XPR1: variants seen among roughly 807,000 people sequenced by gnomAD.
XPR1 encodes xenotropic and polytropic retrovirus receptor 1, also known as solute carrier family 53 member 1.
In XPR1, 28 loss-of-function variants were observed where a neutral mutation model predicts 87.5. The observed-to-expected ratio is 0.32, with a 90% CI of 0.24 to 0.44. The LOEUF is 0.44. Ranked by LOEUF, XPR1 falls within the 20% of genes least tolerant of loss-of-function variation. The pLI is 1.00. For synonymous variants in XPR1, 300 were observed against 306.1 expected (o/e 0.98, Z 0.21); for missense variants, 559 against 862.3 (o/e 0.65, Z 4.41).
intron 2 of XPR1, among the ~76,000 whole-genome samples, chr1:180,727,099 G>A (rs1477328271): frequency 2.6e-5 from 4 of 152,018 alleles, no homozygotes; most frequent in South Asian, 2.1e-4. Context: ...TCCTGACCTC[G>A]TGATCTGCCT....
intron 9 of XPR1, among the ~76,000 whole-genome samples, chr1:180,828,844 T>C (rs1650955561): frequency 6.6e-6 from 1 of 152,152 alleles, no homozygotes; most frequent in East Asian, 1.9e-4. Flanking sequence ...TTAGCCCTAT[T>C]AGTCACTTAT....
chr1:180,669,962 T>C (rs1441913669), intron 1 of XPR1, among the ~76,000 whole-genome samples: 1 of 152,204 alleles, frequency 6.6e-6, no homozygotes, highest in Non-Finnish European at 1.5e-5. Flanking sequence ...TGAAACTGTA[T>C]GAGGGGTGAC....
intron 1 of XPR1, among the ~76,000 whole-genome samples, chr1:180,641,043 A>G (rs773512282): frequency 6.6e-5 from 10 of 152,216 alleles, no homozygotes; most frequent in African/African-American, 2.4e-4. Context: ...ATAATATGCT[A>G]GTATATTAAT....
At chr1:180,791,570 A>G (rs1400366000) in intron 3 of XPR1, among the ~76,000 whole-genome samples, 1 of 142,598 alleles carries the variant, frequency 7.0e-6, no homozygotes, top group African/African-American at 3.1e-5. Flanking sequence ...TAGATACTTT[A>G]TTTTGAGTTA....
At chr1:180,864,684 T>C (rs1028201661) in intron 12 of XPR1, among the ~76,000 whole-genome samples, 1 of 152,126 alleles carries the variant, frequency 6.6e-6, no homozygotes, top group Non-Finnish European at 1.5e-5. Flanking sequence ...TTTCTATGTA[T>C]TAATAAAAAG....
rs557118074 is a variant in XPR1, at chr1:180,677,404, G to C, written c.70-4956G>C. Among the ~76,000 whole-genome samples the C allele has an allele frequency of 1.2e-4, 18 of 152,284 alleles. No individual in the cohort carries two copies. In the East Asian group the frequency reaches 3.3e-3, roughly 28 times the overall value. On this transcript the variant is annotated intron_variant, in intron 1 of 14. Transcript: ENST00000367590. Reference sequence around the variant, plus strand: ...GGTGGGTAGTAAGCCAGTAAATCGGGAGTGCTGATTGGTTGGGTTGGAGAT... The same window carrying C: ...GGTGGGTAGTAAGCCAGTAAATCGGCAGTGCTGATTGGTTGGGTTGGAGAT...
intron 1 of XPR1, among the ~76,000 whole-genome samples, chr1:180,648,272 C>T (rs1319856741): frequency 6.6e-6 from 1 of 152,126 alleles, no homozygotes; most frequent in Non-Finnish European, 1.5e-5. Flanking sequence ...GAATTTGTAG[C>T]AGCAGAGGTT....
chr1:180,652,498 C>T (rs1655330942), intron 1 of XPR1, among the ~76,000 whole-genome samples: 1 of 152,168 alleles, frequency 6.6e-6, no homozygotes, highest in South Asian at 2.1e-4. Flanking sequence ...GCTCCAGCCT[C>T]CAGCCCAGGA....
At chr1:180,694,043 A>G (rs1657081682) in intron 2 of XPR1, among the ~76,000 whole-genome samples, 1 of 152,116 alleles carries the variant, frequency 6.6e-6, no homozygotes, top group Admixed American at 6.6e-5. Flanking sequence ...CTGCAGCCTC[A>G]AACTCCGGAG....
intron 11 of XPR1, 93 bp downstream of exon 11, chr1:180,836,809 T>C: frequency 6.9e-7 from 1 of 1,439,128 alleles, no homozygotes; most frequent in Non-Finnish European, 9.5e-7. Context: ...CCATTTGTCA[T>C]GCTCTTTTTT....
intron 2 of XPR1, among the ~76,000 whole-genome samples, chr1:180,691,793 GGGT>G (rs530202098): frequency 1.4e-3 from 211 of 152,258 alleles, no homozygotes; most frequent in African/African-American, 4.3e-3. Context: ...TCAATGGACA[GGGT>G]CTACTTCAAG....
intron 2 of XPR1, among the ~76,000 whole-genome samples, chr1:180,755,842 G>A (rs531669020): frequency 0.043 from 6,518 of 152,136 alleles, 488 homozygotes; most frequent in African/African-American, 0.15. Context: ...GTGATCTTTA[G>A]GAAGATGTAT....
chr1:180,823,590 T>C (rs1650717085), intron 7 of XPR1, among the ~76,000 whole-genome samples: 1 of 152,144 alleles, frequency 6.6e-6, no homozygotes, highest in South Asian at 2.1e-4. Context: ...TTGGGAAAAG[T>C]GAGTTGGTGA....
intron 3 of XPR1, among the ~76,000 whole-genome samples, chr1:180,792,737 G>A (rs1554185): frequency 0.34 from 51,446 of 151,842 alleles, 9,094 homozygotes; most frequent in Non-Finnish European, 0.38. Context: ...ACTAAAAATG[G>A]TATCAATCAT....
chr1:180,842,878 C>G (rs2102179027), intron 11 of XPR1, among the ~76,000 whole-genome samples: 1 of 152,228 alleles, frequency 6.6e-6, no homozygotes, highest in East Asian at 1.9e-4. Flanking sequence ...TTACTTTAGA[C>G]TTTTTGTTAG....
At chr1:180,753,482 AG>A (rs1647610324) in intron 2 of XPR1, among the ~76,000 whole-genome samples, 1 of 151,742 alleles carries the variant, frequency 6.6e-6, no homozygotes, top group African/African-American at 2.4e-5. Flanking sequence ...TGAGCCCAGG[AG>A]GCGGAGGTTG....
chr1:180,738,695 T>C (rs1417613319), intron 2 of XPR1, among the ~76,000 whole-genome samples: 2 of 152,232 alleles, frequency 1.3e-5, no homozygotes, highest in Non-Finnish European at 2.9e-5. Context: ...GCCATTAGTA[T>C]TTCCCAGTCT....
At chr1:180,854,745 C>T (rs1451526733) in intron 11 of XPR1, among the ~76,000 whole-genome samples, 3 of 152,108 alleles carry the variant, frequency 2.0e-5, no homozygotes, top group Admixed American at 1.3e-4. Context: ...AAAGTCTTGG[C>T]GGCTGATAAT....
intron 10 of XPR1, among the ~76,000 whole-genome samples, chr1:180,836,081 G>GAGAATAGACAA (rs1651277635): frequency 6.6e-6 from 1 of 152,114 alleles, no homozygotes; most frequent in Admixed American, 6.5e-5. Context: ...AGAATAGACT[G>GAGAATAGACAA]GGCGCAGTGG....
Sources: gnomAD v4.1 joint callset for allele counts (sites outside exome capture counted in the v4.1 genomes callset) on GRCh38, gnomAD v4.1.1 for gene constraint, MANE v1.5 for transcripts, NCBI Gene and HGNC (gene_info 2026-07-23, HGNC 2026-07-21) for gene names.